Variants in BSCL2 observed in about 807,000 individuals in gnomAD.
The protein encoded by BSCL2 is seipin.
BSCL2 carries 41 observed loss-of-function variants against 57.4 expected under a neutral mutation model. The observed-to-expected ratio is 0.71, with a 90% CI of 0.56 to 0.93. The LOEUF is 0.93. Among genes scored for constraint, BSCL2 ranks in the 40% least tolerant of loss-of-function variants. BSCL2 has a pLI of 0.00. For synonymous variants in BSCL2, 237 were observed against 227.3 expected (o/e 1.04, Z -0.38); for missense variants, 539 against 586.7 (o/e 0.92, Z 0.84).
At position 62,694,760 on chromosome 11, in the gene BSCL2, T is replaced by C. The variant is rs751344036; in HGVS notation, c.487-49A>G. 5.7e-6 allele frequency: 9 copies of C among 1,591,052 alleles called. No individual in the cohort carries two copies. The Admixed American group carries it at 1.2e-4, about 22-fold the overall frequency. On this transcript the variant is annotated intron_variant, in intron 3 of 10. Transcript: ENST00000360796. The stretch of plus-strand genomic sequence containing the variant: ...TTTAAAAAAATTTTTTTGTTGAAAA[T>C]GTACTGTCTCTATTCCACCTCCCTC...
intron 8 of BSCL2, 71 bp downstream of exon 8, chr11:62,691,004 G>C: frequency 1.3e-6 from 2 of 1,588,852 alleles, no homozygotes; most frequent in Non-Finnish European, 8.6e-7. Context: ...ACTGGATGAA[G>C]CAGGGACTCC....
At chr11:62,706,456 T>C in intron 1 of BSCL2, 1 of 408,794 alleles carries the variant, frequency 2.4e-6, no homozygotes, top group Non-Finnish European at 4.5e-6. Context: ...CGCTCGCCAC[T>C]GGCTCTCTCT....
At chr11:62,706,437 G>A in intron 1 of BSCL2, 1 of 463,044 alleles carries the variant, frequency 2.2e-6, no homozygotes, top group Non-Finnish European at 3.6e-6. Flanking sequence ...CGAGGTCGCT[G>A]TCTCCTTGCG....
Position 62,690,357 on chromosome 11 carries a change from C to T in BSCL2, c.*10G>A. On this transcript the variant is annotated 3_prime_UTR_variant, in exon 11 of 11. Coordinates refer to ENST00000360796, the MANE Select transcript of BSCL2 (RefSeq NM_001122955.4). The stretch of plus-strand genomic sequence containing the variant: ...AAAGTGCTGGAATGTGAGGAGTCTG[C>T]CCCTTTTCTTCAGGAACTAGAGCAG... 1.2e-6 allele frequency: 2 copies of T among 1,613,804 alleles called. No homozygotes were observed. The highest frequency in any genetic ancestry group is 8.5e-7 in the Non-Finnish European group (1 of 1,180,004).
chr11:62,703,094 G>A (rs1945693068), intron 2 of BSCL2, among the ~76,000 whole-genome samples: 1 of 151,040 alleles, frequency 6.6e-6, no homozygotes, highest in Non-Finnish European at 1.5e-5. Flanking sequence ...AGGTTGTGGT[G>A]AGCCAAGATC....
At chr11:62,708,527 A>C, upstream of BSCL2, 1 of 1,261,542 alleles carries the variant, frequency 7.9e-7, no homozygotes, top group Admixed American at 1.9e-5. Flanking sequence ...GGCTCTGTAG[A>C]GAGAGCTGTC....
At chr11:62,706,082 G>C (rs1300729063) in intron 1 of BSCL2, 13 of 408,588 alleles carry the variant, frequency 3.2e-5, no homozygotes, top group African/African-American at 4.4e-5. Context: ...TCTCCGCCTC[G>C]AGCAGAGCTC....
chr11:62,692,830 G>A (rs1321636978), intron 4 of BSCL2, 33 bp from the exon 5 acceptor site: 1 of 1,611,296 alleles, frequency 6.2e-7, no homozygotes, highest in Non-Finnish European at 8.5e-7. Flanking sequence ...GCTGGGGACA[G>A]GTGCATGCCA....
chr11:62,691,277 G>A lies in BSCL2; in HGVS notation c.1005+3C>T, dbSNP rs372166360. On this transcript the variant is annotated splice_donor_region_variant and intron_variant, in intron 7 of 10. Transcript: ENST00000360796. ...ACAAAAGGGGGTCCTTGCCCCTTTC[G>A]ACCTGCAAAGAGAAGCGGTGTCGGG... The A allele has an allele frequency of 3.0e-5, 48 of 1,614,044 alleles. No homozygotes were observed. The highest frequency in any genetic ancestry group is 3.6e-5 in the Non-Finnish European group (42 of 1,180,008).
intron 4 of BSCL2, 112 bp downstream of exon 4, chr11:62,694,456 C>T (rs983114637): frequency 9.2e-5 from 139 of 1,504,176 alleles, no homozygotes; most frequent in African/African-American, 5.5e-5. Context: ...CTGCCTGCCT[C>T]GGCCTCCCAA....
Position 62,690,513 on chromosome 11 carries a change from A to T in BSCL2, c.1243T>A (p.Ser415Thr). 6.2e-7 allele frequency: 1 copy of T among 1,614,176 alleles called. No homozygotes were observed. The highest frequency in any genetic ancestry group is 8.5e-7 in the Non-Finnish European group (1 of 1,180,032). The change falls in exon 11 of 11, where the codon TCC becomes ACC. Residue 415 changes from serine to threonine, a missense_variant. By Grantham distance (58) the Ser-to-Thr change is moderately conservative (BLOSUM62 1). Transcript: ENST00000360796. ...GTCAGCAAAGCTGCATCTTCCCAGG[A>T]GCCTGAACCTGGGCCAGGAAAGGGA... ...LEPEASDGSG[S>T]WEDAALLTEA...
chr11:62,692,890 A>G (rs1945350092), intron 4 of BSCL2, 93 bp from the exon 5 acceptor site: 5 of 1,554,468 alleles, frequency 3.2e-6, no homozygotes, highest in Non-Finnish European at 2.6e-6. Flanking sequence ...TAGTCTATGA[A>G]GGCGGCTTCT....
intron 3 of BSCL2, among the ~76,000 whole-genome samples, chr11:62,696,438 G>C (rs1229380951): frequency 6.6e-6 from 1 of 151,414 alleles, no homozygotes; most frequent in Non-Finnish European, 1.5e-5. Flanking sequence ...GGACCATACG[G>C]ACTATAGGCA....
intron 4 of BSCL2, among the ~76,000 whole-genome samples, chr11:62,694,239 T>C (rs1358280432): frequency 7.2e-6 from 1 of 139,372 alleles, no homozygotes; most frequent in Non-Finnish European, 1.5e-5. Context: ...GGTCTTGCTC[T>C]GTTGCCCAGG....
chr11:62,708,255 C>T (rs771309453), upstream of BSCL2: 2 of 1,311,804 alleles, frequency 1.5e-6, no homozygotes, highest in South Asian at 2.3e-5. Context: ...GGGGGGCCTC[C>T]AGCTGAGACT....
Position 62,707,346 on chromosome 11 carries a change from A to T in BSCL2, c.-151T>A, listed in dbSNP as rs768492253. 2 of 756,326 alleles carry T rather than the reference A, an allele frequency of 2.6e-6. No homozygotes were observed. The highest frequency in any genetic ancestry group is 5.3e-5 in the East Asian group (2 of 37,500). 46.9% of individuals were successfully genotyped at this position (756,326 alleles called of 1,614,324 possible). A position where few individuals can be genotyped will look rare whatever the true frequency, so the allele number is the denominator to read the frequency against. ...GTCCCTGGGAGAGAAACGAAGATTC[A>T]GGTGCTAAGTGCTGTGTCAGAGTAG... is the stretch of plus-strand genomic sequence containing the variant. On this transcript the variant is annotated 5_prime_UTR_variant, in exon 1 of 11. Transcript: ENST00000360796.
At chr11:62,709,529 G>A (rs776278824), upstream of BSCL2, 3 of 451,752 alleles carry the variant, frequency 6.6e-6, no homozygotes, top group Non-Finnish European at 1.3e-5. Context: ...TAGGGGCGGA[G>A]CTTGGCTTCA....
intron 3 of BSCL2, among the ~76,000 whole-genome samples, chr11:62,698,330 C>G (rs532289682): frequency 6.2e-4 from 95 of 152,236 alleles, no homozygotes; most frequent in African/African-American, 2.2e-3. Flanking sequence ...TCCCAAGTAG[C>G]TGGGACTACA....
intron 3 of BSCL2, among the ~76,000 whole-genome samples, chr11:62,697,880 G>A (rs1281544535): frequency 2.0e-5 from 3 of 149,754 alleles, no homozygotes; most frequent in East Asian, 3.9e-4. Flanking sequence ...AATTCTTCAC[G>A]AATGCTTCTG....
Sources: allele counts gnomAD v4.1 joint callset (sites outside exome capture counted in the v4.1 genomes callset), GRCh38; gene constraint gnomAD v4.1.1; transcripts MANE v1.5; gene names NCBI Gene and HGNC (gene_info 2026-07-23, HGNC 2026-07-21).